Variants in OLFM2 observed in about 807,000 individuals in gnomAD.
OLFM2 encodes the protein olfactomedin 2, also known as noelin-2.
OLFM2 carries 20 observed loss-of-function variants against 43.9 expected under a neutral mutation model. The ratio of observed to expected loss-of-function variants is 0.46; its 90% CI spans 0.32 to 0.66. The LOEUF is 0.66. Ranked by LOEUF, OLFM2 falls within the 30% of genes least tolerant of loss-of-function variation. The pLI is 0.04. For synonymous variants in OLFM2, 268 were observed against 278.6 expected (o/e 0.96, Z 0.38); for missense variants, 416 against 643.6 (o/e 0.65, Z 3.83).
chr19:9,907,213 T>C (rs936707014), intron 1 of OLFM2, among the ~76,000 whole-genome samples: 3 of 152,114 alleles, frequency 2.0e-5, no homozygotes, highest in African/African-American at 7.2e-5. Flanking sequence ...CCCAGCACTT[T>C]GGGTAGCTGA....
At chr19:9,904,814 G>T (rs1418231000) in intron 1 of OLFM2, among the ~76,000 whole-genome samples, 1 of 152,050 alleles carries the variant, frequency 6.6e-6, no homozygotes, top group Non-Finnish European at 1.5e-5. Context: ...GAGGACAGGA[G>T]TTTGAGACCA....
At chr19:9,897,317 G>A (rs182005069) in intron 1 of OLFM2, among the ~76,000 whole-genome samples, 1 of 132,316 alleles carries the variant, frequency 7.6e-6, no homozygotes, top group Non-Finnish European at 1.6e-5. Context: ...AACAGAGTGA[G>A]ACTTCGTCTC....
At chr19:9,892,578 GCGGGTGCC>G (rs1216502233) in intron 1 of OLFM2, among the ~76,000 whole-genome samples, 1 of 152,008 alleles carries the variant, frequency 6.6e-6, no homozygotes, top group Non-Finnish European at 1.5e-5. Context: ...AGGCTTGGTG[GCGGGTGCC>G]TGTAGTTCCA....
intron 1 of OLFM2, among the ~76,000 whole-genome samples, chr19:9,921,346 T>C (rs2086418514): frequency 6.6e-6 from 1 of 152,018 alleles, no homozygotes; most frequent in African/African-American, 2.4e-5. Context: ...CTCAAACTCC[T>C]GGGCTCAAGC....
At chr19:9,927,114 T>G (rs2086458272) in intron 1 of OLFM2, among the ~76,000 whole-genome samples, 1 of 151,910 alleles carries the variant, frequency 6.6e-6, no homozygotes, top group African/African-American at 2.4e-5. Context: ...AAATCCTGTC[T>G]CTACTAAAAA....
chr19:9,902,387 T>TC (rs200451542), intron 1 of OLFM2, among the ~76,000 whole-genome samples: 2 of 148,118 alleles, frequency 1.4e-5, no homozygotes, highest in African/African-American at 2.5e-5. Context: ...TTCATCTTTT[T>TC]TTTTTTTTTT....
At chr19:9,919,228 AT>A (rs2086404611) in intron 1 of OLFM2, among the ~76,000 whole-genome samples, 1 of 142,798 alleles carries the variant, frequency 7.0e-6, no homozygotes, top group South Asian at 2.2e-4. Flanking sequence ...GTGCAATGGG[AT>A]GATCTCGGCT....
chr19:9,884,932 C>T (rs1308085434), intron 1 of OLFM2, among the ~76,000 whole-genome samples: 1 of 152,106 alleles, frequency 6.6e-6, no homozygotes, highest in Non-Finnish European at 1.5e-5. Context: ...TCCATGTGAC[C>T]CCTTCCTCCC....
In OLFM2 at chr19:9,936,338, A is replaced by G. The variant is rs1162837108; in HGVS notation, c.29T>C (p.Leu10Pro). Reference protein sequence around the residue: MWPLTVPPPLLLLLCSGLAG... With the variant: MWPLTVPPPPLLLLCSGLAG... ...CAGGCCTGAGCACAGCAGCAGCAGC[A>G]GCGGCGGCGGGACCGTGAGCGGCCA... Residue 10 changes from leucine to proline, a missense_variant, in exon 1 of 6, where the codon CTG (leucine) becomes CCG (proline). Physicochemically the swap from Leu to Pro is moderately conservative, Grantham distance 98 (BLOSUM62 -3). Transcript: ENST00000264833. 3.3e-6 allele frequency: 5 copies of G among 1,503,462 alleles called. No homozygotes were observed. Among genetic ancestry groups the G allele is most frequent in the Admixed American group, 2.1e-5 (1 of 48,606 alleles). The allele number at this position is 1,503,462 out of a possible 1,614,324, so 93.1% of individuals were successfully genotyped here.
chr19:9,913,533 G>A, intron 1 of OLFM2: 1 of 1,211,896 alleles, frequency 8.3e-7, no homozygotes. Context: ...AGCCCCACGA[G>A]CGAGGGCAGC....
intron 1 of OLFM2, among the ~76,000 whole-genome samples, chr19:9,882,660 A>C (rs1412121357): frequency 7.9e-5 from 12 of 151,932 alleles, no homozygotes; most frequent in Admixed American, 7.9e-4. Flanking sequence ...TCGTAATCCC[A>C]GCACTTTGGG....
In OLFM2 at chr19:9,888,902, TA is replaced by T. The variant is rs574872488; in HGVS notation, c.64-28109del. On this transcript the variant is annotated intron_variant, in intron 1 of 5. Transcript: ENST00000264833. ...TAACACGGTGAAACCCCGTCTCTACTAAAAATGTAAAAAATTAGCCGGGCAT... is the reference window on the plus strand; with the variant it reads ...TAACACGGTGAAACCCCGTCTCTACTAAAATGTAAAAAATTAGCCGGGCAT... Among the ~76,000 whole-genome samples, 575 of 152,026 alleles carry T rather than the reference TA, an allele frequency of 3.8e-3. 5 individuals are homozygous for T. Among genetic ancestry groups the T allele is most frequent in the African/African-American group, 0.013 (550 of 41,500 alleles).
intron 1 of OLFM2, among the ~76,000 whole-genome samples, chr19:9,889,702 T>C (rs1043186248): frequency 6.6e-6 from 1 of 152,050 alleles, no homozygotes; most frequent in Non-Finnish European, 1.5e-5. Context: ...CACGTGTCTG[T>C]GTGTTCGGCT....
chr19:9,882,432 G>A (rs954176788), intron 1 of OLFM2, among the ~76,000 whole-genome samples: 17 of 151,922 alleles, frequency 1.1e-4, no homozygotes, highest in Non-Finnish European at 1.6e-4. Flanking sequence ...CAGCTACTCG[G>A]GAGGCTGAGG....
chr19:9,878,946 A>G (rs1369303632), intron 1 of OLFM2, among the ~76,000 whole-genome samples: 1 of 152,004 alleles, frequency 6.6e-6, no homozygotes, highest in Non-Finnish European at 1.5e-5. Context: ...TCCTGGACTC[A>G]AGCGATCCTC....
intron 1 of OLFM2, among the ~76,000 whole-genome samples, chr19:9,901,051 G>A (rs2046732969): frequency 1.5e-5 from 1 of 67,452 alleles, no homozygotes; most frequent in Non-Finnish European, 3.0e-5. Flanking sequence ...GGGAGGGAAG[G>A]GAGGGAGGGA....
At chr19:9,882,204 C>T (rs1599478528) in intron 1 of OLFM2, among the ~76,000 whole-genome samples, 1 of 150,554 alleles carries the variant, frequency 6.6e-6, no homozygotes, top group African/African-American at 2.4e-5. Context: ...AACGCCACTG[C>T]ACTCCAGCCT....
chr19:9,885,989 T>C (rs901938460), intron 1 of OLFM2, among the ~76,000 whole-genome samples: 2 of 151,306 alleles, frequency 1.3e-5, no homozygotes, highest in Non-Finnish European at 2.9e-5. Flanking sequence ...CCCAGCTACA[T>C]GGGAGGCTGA....
intron 1 of OLFM2, among the ~76,000 whole-genome samples, chr19:9,928,207 C>A (rs963408208): frequency 7.0e-6 from 1 of 142,174 alleles, no homozygotes. Flanking sequence ...CAAGACCCTG[C>A]GTCTTAAAAA....
Sources: gnomAD v4.1 joint callset for allele counts (sites outside exome capture counted in the v4.1 genomes callset) on GRCh38, gnomAD v4.1.1 for gene constraint, MANE v1.5 for transcripts, NCBI Gene and HGNC (gene_info 2026-07-23, HGNC 2026-07-21) for gene names.